Variants in GDPD5 observed in about 807,000 individuals in gnomAD.
The protein encoded by GDPD5 is glycerophosphodiester phosphodiesterase 2.
A neutral mutation model predicts 75.1 loss-of-function variants in GDPD5; 48 were observed. The observed-to-expected ratio is 0.64, with a 90% CI of 0.51 to 0.81. The LOEUF (loss-of-function observed/expected upper bound fraction) is 0.81, where lower values mean the gene tolerates loss of function less well. GDPD5 is among the 40% of genes least tolerant of loss of function. The pLI is 0.00. For synonymous variants in GDPD5, 336 were observed against 339.0 expected (o/e 0.99, Z 0.10); for missense variants, 706 against 822.6 (o/e 0.86, Z 1.73).
At chr11:75,475,448 C>A (rs1949758582) in intron 3 of GDPD5, among the ~76,000 whole-genome samples, 1 of 152,214 alleles carries the variant, frequency 6.6e-6, no homozygotes. Flanking sequence ...GAGCCCCTAC[C>A]CTGCACCAGC....
At chr11:75,492,484 C>G (rs1029879398) in intron 1 of GDPD5, 1 of 152,300 alleles carries the variant, frequency 6.6e-6, no homozygotes, top group East Asian at 1.9e-4. Flanking sequence ...GTAGTGGAAG[C>G]TGGTGAAGGA....
chr11:75,517,971 A>G (rs1950679043), intron 1 of GDPD5, among the ~76,000 whole-genome samples: 2 of 152,192 alleles, frequency 1.3e-5, no homozygotes, highest in Admixed American at 1.3e-4. Context: ...AACTGAGCAA[A>G]ACAAAATGCT....
chr11:75,468,689 C>G (rs540908164), intron 3 of GDPD5, among the ~76,000 whole-genome samples: 6 of 152,146 alleles, frequency 3.9e-5, no homozygotes, highest in Non-Finnish European at 7.4e-5. Context: ...GCCCCCCCCC[C>G]GGGAGGTGGA....
chr11:75,448,451 T>A (rs1036485228), intron 9 of GDPD5: 1 of 984,254 alleles, frequency 1.0e-6, no homozygotes, highest in Non-Finnish European at 1.2e-6. Flanking sequence ...TGTGCTGGGA[T>A]GCTAACTCAG....
Position 75,525,031 on chromosome 11 carries a change from G to T in GDPD5, c.-145+179C>A, listed in dbSNP as rs115258263. Among the ~76,000 whole-genome samples the T allele has an allele frequency of 0.031, 4,720 of 152,248 alleles. 251 individuals are homozygous for T. Among genetic ancestry groups the T allele is most frequent in the African/African-American group, 0.11 (4,475 of 41,524 alleles). ...GGCGGGGCGGGGCGGGGCAGGGCGCGAACCCGCACACAATGGGCGCTCAAT... is the reference window on the plus strand; with the variant it reads ...GGCGGGGCGGGGCGGGGCAGGGCGCTAACCCGCACACAATGGGCGCTCAAT... On this transcript the variant is annotated intron_variant, in intron 1 of 16. Transcript: ENST00000336898.
At chr11:75,458,912 A>G (rs1949353238) in intron 4 of GDPD5, among the ~76,000 whole-genome samples, 2 of 151,990 alleles carry the variant, frequency 1.3e-5, no homozygotes, top group Admixed American at 1.3e-4. Flanking sequence ...CTGGGACCAT[A>G]GGCACCCACC....
chr11:75,485,547 ACACAC>A (rs1166837879), intron 2 of GDPD5: 1 of 149,676 alleles, frequency 6.7e-6, no homozygotes, highest in Non-Finnish European at 1.5e-5. Flanking sequence ...ACACACACAC[ACACAC>A]GTGTGCACCC....
intron 4 of GDPD5, among the ~76,000 whole-genome samples, chr11:75,462,309 G>A: frequency 6.6e-6 from 1 of 152,140 alleles, no homozygotes; most frequent in East Asian, 1.9e-4. Flanking sequence ...GTTCTTTGAG[G>A]CTCCCCTCCA....
intron 1 of GDPD5, among the ~76,000 whole-genome samples, chr11:75,514,001 G>A (rs1950587392): frequency 6.6e-6 from 1 of 152,176 alleles, no homozygotes; most frequent in Admixed American, 6.5e-5. Flanking sequence ...TTTCTCACCT[G>A]CAAAATGAGG....
At chr11:75,488,243 G>T (rs1950051020) in intron 2 of GDPD5, among the ~76,000 whole-genome samples, 1 of 152,118 alleles carries the variant, frequency 6.6e-6, no homozygotes, top group Admixed American at 6.5e-5. Context: ...CAGTGACACT[G>T]ACAGGTTCTC....
chr11:75,460,762 A>G (rs1949393536), intron 4 of GDPD5, among the ~76,000 whole-genome samples: 1 of 151,938 alleles, frequency 6.6e-6, no homozygotes, highest in Admixed American at 6.6e-5. Context: ...GACTCTTGAG[A>G]CTATCAGGAC....
chr11:75,505,080 C>G (rs1372113475), intron 1 of GDPD5, among the ~76,000 whole-genome samples: 2 of 151,904 alleles, frequency 1.3e-5, no homozygotes, highest in Non-Finnish European at 2.9e-5. Flanking sequence ...CGAGATCATG[C>G]CATTGCACTC....
At chr11:75,441,427 C>T in intron 13 of GDPD5, 117 bp from the exon 14 acceptor site, 1 of 1,357,892 alleles carries the variant, frequency 7.4e-7, no homozygotes, top group Non-Finnish European at 1.0e-6. Context: ...GGGCAAGGAA[C>T]ATTGGCTCCA....
At chr11:75,474,021 T>C (rs1056107069) in intron 3 of GDPD5, among the ~76,000 whole-genome samples, 5 of 152,132 alleles carry the variant, frequency 3.3e-5, no homozygotes, top group East Asian at 1.9e-4. Flanking sequence ...GGTTTGTTGA[T>C]TGAATAAGTA....
chr11:75,456,668 G>T, intron 6 of GDPD5, 89 bp downstream of exon 6: 1 of 1,248,014 alleles, frequency 8.0e-7, no homozygotes, highest in East Asian at 2.3e-5. Flanking sequence ...GTGATCCAGG[G>T]GAGGGACATG....
intron 1 of GDPD5, among the ~76,000 whole-genome samples, chr11:75,492,939 A>T (rs1950136417): frequency 6.6e-6 from 1 of 152,144 alleles, no homozygotes; most frequent in Admixed American, 6.5e-5. Context: ...CATGTTGGCC[A>T]GGCTGGTCTT....
At position 75,435,507 on chromosome 11, in the gene GDPD5, C is replaced by G; in HGVS notation, c.1818G>C (p.Ter606TyrextTer102). 1 of 1,599,602 alleles carries G rather than the reference C, an allele frequency of 6.3e-7. No individual in the cohort carries two copies. The highest frequency in any genetic ancestry group is 8.5e-7 in the Non-Finnish European group (1 of 1,173,166). Residue 606 changes from the stop codon to tyrosine, a stop_lost, in exon 17 of 17, where the codon TAG (stop) becomes TAC (tyrosine). Coordinates refer to ENST00000336898, the MANE Select transcript of GDPD5 (RefSeq NM_030792.8). ...ACAGGTGGGACAGACATGTCTTCAG[C>G]TAACGCCCACTCCGCTCTATGAGGG... ...TKTLIERSGR[*>Y] is the part of the protein sequence containing the mutation.
chr11:75,461,281 G>A (rs1949407127), intron 4 of GDPD5, among the ~76,000 whole-genome samples: 1 of 152,162 alleles, frequency 6.6e-6, no homozygotes, highest in African/African-American at 2.4e-5. Flanking sequence ...TCATGACAGT[G>A]CCCATGCTTT....
chr11:75,436,860 T>C (rs1948639097), intron 16 of GDPD5, 76 bp downstream of exon 16: 2 of 1,072,792 alleles, frequency 1.9e-6, no homozygotes, highest in Non-Finnish European at 2.9e-6. Flanking sequence ...TGTGTGTGCA[T>C]ACACATCTGT....
Sources: allele counts gnomAD v4.1 joint callset (sites outside exome capture counted in the v4.1 genomes callset), GRCh38; gene constraint gnomAD v4.1.1; transcripts MANE v1.5; gene names NCBI Gene and HGNC (gene_info 2026-07-23, HGNC 2026-07-21).